Variants in MCOLN3 observed in about 807,000 individuals in gnomAD.
MCOLN3 encodes the protein mucolipin TRP cation channel 3, also known as mucolipin-3.
Under a neutral mutation model 69.4 loss-of-function variants are expected in MCOLN3, and 62 were observed. The observed-to-expected ratio is 0.89, with a 90% CI of 0.73 to 1.10. MCOLN3 has a LOEUF of 1.10. Ranked by LOEUF, MCOLN3 falls within the 50% of genes least tolerant of loss-of-function variation. The pLI is 0.00. For synonymous variants in MCOLN3, 183 were observed against 217.0 expected, an observed-to-expected ratio of 0.84 and a Z score of 1.38; for missense variants, 564 against 656.4, an observed-to-expected ratio of 0.86 and a Z score of 1.54.
chr1:85,034,273 GA>G, intron 3 of MCOLN3, 22 bp from the exon 4 acceptor site: 1 of 1,613,526 alleles, frequency 6.2e-7, no homozygotes, highest in Non-Finnish European at 8.5e-7. Context: ...ATGAGAAACA[GA>G]AAATGGGAAT....
intron 1 of MCOLN3, among the ~76,000 whole-genome samples, chr1:85,047,837 G>A (rs1235489562): frequency 6.6e-6 from 1 of 152,238 alleles, no homozygotes; most frequent in Non-Finnish European, 1.5e-5. Flanking sequence ...CGATGTCCCA[G>A]AGCGGTCGCT....
chr1:85,032,797 A>G lies in MCOLN3; in HGVS notation c.636-5T>C. On this transcript the variant is annotated splice_polypyrimidine_tract_variant and splice_region_variant and intron_variant, in intron 5 of 12. Coordinates refer to ENST00000370589, the MANE Select transcript of MCOLN3 (RefSeq NM_018298.11). ...TGAAGCTCCACTGTTAGGAGTCTAG[A>G]AAACAGAGGTGATTTTAGTTCTGTG... The G allele has an allele frequency of 6.2e-7, 1 of 1,613,966 alleles. No individual in the cohort carries two copies. Among genetic ancestry groups the G allele is most frequent in the Non-Finnish European group, 8.5e-7 (1 of 1,179,784 alleles).
intron 6 of MCOLN3, among the ~76,000 whole-genome samples, chr1:85,030,813 G>C (rs1210406330): frequency 2.6e-5 from 4 of 152,184 alleles, no homozygotes; most frequent in Middle Eastern, 3.4e-3. Flanking sequence ...CAAGCTAGAA[G>C]CAACATCTTT....
At chr1:85,048,163 C>T (rs1390560883) in intron 1 of MCOLN3, among the ~76,000 whole-genome samples, 1 of 152,118 alleles carries the variant, frequency 6.6e-6, no homozygotes, top group Non-Finnish European at 1.5e-5. Context: ...CCGGGCAGGC[C>T]CGGCAGGCGC....
intron 2 of MCOLN3, among the ~76,000 whole-genome samples, chr1:85,044,430 T>G (rs1653235930): frequency 6.6e-6 from 1 of 152,248 alleles, no homozygotes; most frequent in Non-Finnish European, 1.5e-5. Context: ...CACTAAAATC[T>G]GCTTCTATTT....
At chr1:85,023,347 C>G (rs1652047907) in intron 9 of MCOLN3, 1 of 152,256 alleles carries the variant, frequency 6.6e-6, no homozygotes, top group Non-Finnish European at 1.5e-5. Context: ...TCCCAATGTG[C>G]TGGGATTATA....
intron 2 of MCOLN3, 137 bp from the exon 3 acceptor site, chr1:85,041,314 G>T: frequency 1.5e-6 from 1 of 685,136 alleles, no homozygotes; most frequent in Non-Finnish European, 2.3e-6. Context: ...TTTTGCAGCA[G>T]GTGGATAATA....
chr1:85,022,286 T>C lies in MCOLN3; in HGVS notation c.1197+13A>G, dbSNP rs777556747. On this transcript the variant is annotated intron_variant, in intron 10 of 12. Coordinates refer to ENST00000370589, the MANE Select transcript of MCOLN3 (RefSeq NM_018298.11). Reference sequence around the variant, plus strand: ...GAAATACCAACAGCATGGAGATCCGTGGAATTCCTTACGTTGTACTTTGCA... The same window carrying C: ...GAAATACCAACAGCATGGAGATCCGCGGAATTCCTTACGTTGTACTTTGCA... The C allele has an allele frequency of 1.9e-6, 3 of 1,613,742 alleles. No individual in the cohort carries two copies. The highest frequency in any genetic ancestry group is 2.5e-6 in the Non-Finnish European group (3 of 1,179,684).
rs374667144 is a variant in MCOLN3, at chr1:85,026,327, T to C, written c.833-43A>G. On this transcript the variant is annotated intron_variant, in intron 7 of 12. Transcript: ENST00000370589. ...TACATAGTGCTTATGTAGTGGGACA[T>C]TAATATGGTGACATCTTCTTTTTAG... 3 of 1,251,156 alleles carry C rather than the reference T, an allele frequency of 2.4e-6. No individual in the cohort carries two copies. In the African/African-American group the frequency reaches 4.5e-5, roughly 19 times the overall value. 77.5% of individuals were successfully genotyped at this position (1,251,156 alleles called of 1,614,324 possible). A position where few individuals can be genotyped will look rare whatever the true frequency, so the allele number is the denominator to read the frequency against.
intron 1 of MCOLN3, among the ~76,000 whole-genome samples, chr1:85,046,946 T>C (rs1042591419): frequency 6.6e-6 from 1 of 152,182 alleles, no homozygotes; most frequent in Non-Finnish European, 1.5e-5. Flanking sequence ...AAGAAAAAGT[T>C]ATTAATAAAT....
At position 85,027,247 on chromosome 1, in the gene MCOLN3, GAGTA is replaced by G. The variant is rs1263135581; in HGVS notation, c.833-967_833-964del. Among the ~76,000 whole-genome samples the G allele has an allele frequency of 1.4e-4, 21 of 152,290 alleles. 1 individual carries two copies. Among genetic ancestry groups the G allele is most frequent in the South Asian group, 4.1e-4 (2 of 4,824 alleles). On this transcript the variant is annotated intron_variant, in intron 7 of 12. Transcript: ENST00000370589. Reference sequence around the variant, plus strand: ...CACATAACAAAATACTTTCAGATAGGAGTAAGTAATAGAAAGAAGATAAATCACA... The same window carrying G: ...CACATAACAAAATACTTTCAGATAGGAGTAATAGAAAGAAGATAAATCACA...
At chr1:85,032,084 AAGAGAG>A (rs147505457) in intron 6 of MCOLN3, among the ~76,000 whole-genome samples, 1 of 148,874 alleles carries the variant, frequency 6.7e-6, no homozygotes, top group Non-Finnish European at 1.5e-5. Flanking sequence ...TCAAAAAAAG[AAGAGAG>A]AGAGAGAGAG....
intron 11 of MCOLN3, 142 bp downstream of exon 11, chr1:85,021,926 TTA>T (rs1651958841): frequency 3.9e-6 from 4 of 1,027,176 alleles, no homozygotes; most frequent in Non-Finnish European, 5.7e-6. Context: ...CCCTTTCACT[TTA>T]TAAATATGGC....
intron 7 of MCOLN3, among the ~76,000 whole-genome samples, chr1:85,028,451 C>A (rs895095562): frequency 6.6e-6 from 1 of 152,164 alleles, no homozygotes; most frequent in South Asian, 2.1e-4. Context: ...CCTCATCTAG[C>A]GACCATTAAG....
At chr1:85,025,703 C>G in intron 9 of MCOLN3, 1 of 462,756 alleles carries the variant, frequency 2.2e-6, no homozygotes. Context: ...TAACATGGTA[C>G]ACTTTACCAG....
chr1:85,019,263 CAGA>C lies in MCOLN3; in HGVS notation c.1528-9_1528-7del. On this transcript the variant is annotated splice_region_variant and splice_polypyrimidine_tract_variant and intron_variant, in intron 12 of 12. Transcript: ENST00000370589. ...AAGCCATCTTGTTGGTATTGCTAAA[CAGA>C]AGAATGTTAAAAAGCTTTTATTAAT... is the stretch of plus-strand genomic sequence containing the variant. 1.9e-6 allele frequency: 3 copies of C among 1,608,280 alleles called. No homozygotes were observed. Among genetic ancestry groups the C allele is most frequent in the Non-Finnish European group, 2.5e-6 (3 of 1,178,344 alleles).
intron 9 of MCOLN3, chr1:85,024,416 G>A (rs1652110737): frequency 6.6e-6 from 1 of 152,214 alleles, no homozygotes; most frequent in Admixed American, 6.5e-5. Context: ...ATGGCCTCTA[G>A]TAGGCAGGTG....
intron 2 of MCOLN3, among the ~76,000 whole-genome samples, chr1:85,043,819 T>C (rs923625466): frequency 6.6e-6 from 1 of 151,998 alleles, no homozygotes; most frequent in African/African-American, 2.4e-5. Context: ...AGTCTTGATA[T>C]TGCCACTGAC....
chr1:85,034,034 T>C (rs188918262), intron 4 of MCOLN3, 64 bp downstream of exon 4: 2 of 1,517,510 alleles, frequency 1.3e-6, no homozygotes, highest in East Asian at 2.3e-5. Flanking sequence ...AAGATGAAAT[T>C]ACTAATTTTA....
Sources: allele counts gnomAD v4.1 joint callset (sites outside exome capture counted in the v4.1 genomes callset), GRCh38; gene constraint gnomAD v4.1.1; transcripts MANE v1.5; gene names NCBI Gene and HGNC (gene_info 2026-07-23, HGNC 2026-07-21).